Variants in EXOC2 observed in about 807,000 individuals in gnomAD.
EXOC2 encodes the protein SEC5-like 1.
A neutral mutation model predicts 131.8 loss-of-function variants in EXOC2; 70 were observed. The ratio of observed to expected loss-of-function variants is 0.53; its 90% CI spans 0.44 to 0.65. EXOC2 has a LOEUF of 0.65. Among genes scored for constraint, EXOC2 ranks in the 30% least tolerant of loss-of-function variants. The pLI is 0.00. For missense variants in EXOC2, 923 were observed against 1,108.6 expected, an observed-to-expected ratio of 0.83 and a Z score of 2.38; for synonymous variants, 411 against 398.4, an observed-to-expected ratio of 1.03 and a Z score of -0.38.
intron 22 of EXOC2, among the ~76,000 whole-genome samples, chr6:544,961 C>A (rs1343086419): frequency 1.3e-5 from 2 of 151,668 alleles, no homozygotes; most frequent in South Asian, 2.1e-4. Flanking sequence ...TCCTGGCTAA[C>A]AAGGTGAAAC....
At chr6:558,034 T>C (rs904413598) in intron 17 of EXOC2, among the ~76,000 whole-genome samples, 1 of 151,976 alleles carries the variant, frequency 6.6e-6, no homozygotes, top group African/African-American at 2.4e-5. Flanking sequence ...CAGCGAGACA[T>C]GGAAGGCTCA....
chr6:523,695 G>A (rs1765601566), intron 23 of EXOC2, among the ~76,000 whole-genome samples: 1 of 152,160 alleles, frequency 6.6e-6, no homozygotes, highest in African/African-American at 2.4e-5. Flanking sequence ...AAAATTGTTT[G>A]TTTTTTGAGA....
chr6:525,484 C>T (rs1320160431), intron 23 of EXOC2: 1 of 152,172 alleles, frequency 6.6e-6, no homozygotes, highest in East Asian at 1.9e-4. Context: ...GAAAAACTGT[C>T]AAATGACTTG....
chr6:545,982 T>A (rs367746472), intron 22 of EXOC2, among the ~76,000 whole-genome samples: 7 of 152,170 alleles, frequency 4.6e-5, no homozygotes, highest in African/African-American at 1.4e-4. Context: ...AAAATGTTTC[T>A]TTTTTTCTCA....
chr6:608,266 T>G (rs1024618407), intron 7 of EXOC2, among the ~76,000 whole-genome samples: 3 of 152,266 alleles, frequency 2.0e-5, no homozygotes. Flanking sequence ...CCCTCCGGCT[T>G]TGCTCCCAGG....
chr6:556,945 A>C (rs1057334305), intron 17 of EXOC2, among the ~76,000 whole-genome samples: 1 of 152,224 alleles, frequency 6.6e-6, no homozygotes, highest in African/African-American at 2.4e-5. Flanking sequence ...AGTCTCCTAG[A>C]TCTTCCACAT....
chr6:649,907 C>G (rs74994762), intron 1 of EXOC2, among the ~76,000 whole-genome samples: 7,790 of 152,090 alleles, frequency 0.051, 310 homozygotes, highest in South Asian at 0.17. Flanking sequence ...TCTCAGTAGT[C>G]TCCCTATGAG....
intron 22 of EXOC2, among the ~76,000 whole-genome samples, chr6:539,480 C>G (rs957049788): frequency 1.3e-5 from 2 of 152,194 alleles, no homozygotes; most frequent in Admixed American, 6.5e-5. Context: ...ACATTTCCAT[C>G]TCACGCACCA....
intron 22 of EXOC2, among the ~76,000 whole-genome samples, chr6:547,663 TATCATCTAA>T (rs1561842523): frequency 6.6e-6 from 1 of 152,324 alleles, no homozygotes; most frequent in East Asian, 1.9e-4. Flanking sequence ...GTGCAAATGT[TATCATCTAA>T]ATCTAGTTTA....
intron 21 of EXOC2, among the ~76,000 whole-genome samples, chr6:550,265 C>A (rs553951837): frequency 2.0e-4 from 31 of 152,252 alleles, no homozygotes; most frequent in African/African-American, 7.2e-4. Context: ...GAAAGTAATT[C>A]GATATAGTCA....
intron 23 of EXOC2, among the ~76,000 whole-genome samples, chr6:521,288 G>A (rs201338771): frequency 0.016 from 2,313 of 141,806 alleles, 30 homozygotes; most frequent in East Asian, 0.05. Context: ...ACCGAGCGCC[G>A]ACACTCACCG....
chr6:643,197 C>T (rs1235674802), intron 1 of EXOC2, among the ~76,000 whole-genome samples: 1 of 152,106 alleles, frequency 6.6e-6, no homozygotes, highest in Non-Finnish European at 1.5e-5. Context: ...ATATTAATAA[C>T]TAGATATTAA....
At chr6:584,227 G>A (rs1030017696) in intron 11 of EXOC2, among the ~76,000 whole-genome samples, 2 of 152,006 alleles carry the variant, frequency 1.3e-5, no homozygotes, top group South Asian at 2.1e-4. Flanking sequence ...ATTTAATCTC[G>A]CATACAGGAA....
intron 1 of EXOC2, among the ~76,000 whole-genome samples, chr6:674,195 A>G (rs1028022956): frequency 6.6e-6 from 1 of 152,360 alleles, no homozygotes; most frequent in East Asian, 1.9e-4. Context: ...ACCAAAATAC[A>G]TAAGGCCAAA....
At chr6:650,836 T>C (rs1249590073) in intron 1 of EXOC2, among the ~76,000 whole-genome samples, 1 of 152,106 alleles carries the variant, frequency 6.6e-6, no homozygotes, top group Non-Finnish European at 1.5e-5. Context: ...GACAGACAAC[T>C]GGAGGAAAGA....
At chr6:543,946 C>T (rs1432667798) in intron 22 of EXOC2, among the ~76,000 whole-genome samples, 7 of 152,094 alleles carry the variant, frequency 4.6e-5, no homozygotes, top group Non-Finnish European at 7.4e-5. Flanking sequence ...CATGGGCATC[C>T]GTCAGTGATG....
intron 7 of EXOC2, among the ~76,000 whole-genome samples, chr6:608,258 C>T (rs1013361248): frequency 6.6e-6 from 1 of 152,252 alleles, no homozygotes; most frequent in Non-Finnish European, 1.5e-5. Context: ...GCTGCATCCC[C>T]TCCGGCTTTG....
chr6:569,412 G>T (rs1245734354), intron 13 of EXOC2, among the ~76,000 whole-genome samples: 1 of 152,064 alleles, frequency 6.6e-6, no homozygotes, highest in Non-Finnish European at 1.5e-5. Context: ...TTAAACTGTT[G>T]GAAACTTCAT....
At chr6:688,472 G>T (rs565042087) in intron 1 of EXOC2, among the ~76,000 whole-genome samples, 2 of 152,234 alleles carry the variant, frequency 1.3e-5, no homozygotes, top group African/African-American at 4.8e-5. Flanking sequence ...TGGCATGACA[G>T]TGACTGAAGA....
Sources: allele counts gnomAD v4.1 joint callset (sites outside exome capture counted in the v4.1 genomes callset), GRCh38; gene constraint gnomAD v4.1.1; transcripts MANE v1.5; gene names NCBI Gene and HGNC (gene_info 2026-07-23, HGNC 2026-07-21).